Variants in TMPRSS9 observed in about 807,000 individuals in gnomAD.
TMPRSS9 encodes transmembrane serine protease 9.
In TMPRSS9, 113 loss-of-function variants were observed where a neutral mutation model predicts 111.4. The observed-to-expected ratio is 1.01, with a 90% CI of 0.87 to 1.19. The LOEUF (loss-of-function observed/expected upper bound fraction) is 1.19, where lower values mean the gene tolerates loss of function less well. Ranked by LOEUF, TMPRSS9 falls within the 50% of genes most tolerant of loss-of-function variation. The pLI is 0.00. For synonymous variants in TMPRSS9, 805 were observed against 659.1 expected, an observed-to-expected ratio of 1.22 and a Z score of -3.39; for missense variants, 1,803 against 1,513.1, an observed-to-expected ratio of 1.19 and a Z score of -3.18.
chr19:2,416,678 T>C, exon 12 of TMPRSS9: 2 of 1,613,144 alleles, frequency 1.2e-6, no homozygotes, highest in South Asian at 2.2e-5. Flanking sequence ...GACCTGGCTG[T>C]CCTGGAGCTG....
chr19:2,377,269 GTA>G (rs1568169879), intron 1 of TMPRSS9, among the ~76,000 whole-genome samples: 1 of 119,570 alleles, frequency 8.4e-6, no homozygotes, highest in Non-Finnish European at 1.6e-5. Context: ...ATGTATGTAT[GTA>G]TGTATGTATG....
chr19:2,417,045 G>A (rs1209578969), intron 12 of TMPRSS9, among the ~76,000 whole-genome samples: 1 of 152,046 alleles, frequency 6.6e-6, no homozygotes. Context: ...ATTGGAACAG[G>A]GGCCATGTTC....
chr19:2,366,137 A>G (rs1447951498), intron 1 of TMPRSS9, among the ~76,000 whole-genome samples: 1 of 152,156 alleles, frequency 6.6e-6, no homozygotes, highest in African/African-American at 2.4e-5. Context: ...TTGAGCAACT[A>G]GAAAACATTG....
intron 9 of TMPRSS9, among the ~76,000 whole-genome samples, chr19:2,412,548 C>T (rs928746747): frequency 6.6e-6 from 1 of 152,182 alleles, no homozygotes; most frequent in Non-Finnish European, 1.5e-5. Context: ...CTCCTGGTCT[C>T]ATTTATCCTT....
chr19:2,407,932 C>G (rs1971005678), intron 7 of TMPRSS9, among the ~76,000 whole-genome samples: 1 of 151,850 alleles, frequency 6.6e-6, no homozygotes, highest in Non-Finnish European at 1.5e-5. Context: ...TACAGGCGCC[C>G]ATCACTATGC....
At chr19:2,406,283 G>A (rs974966444) in intron 7 of TMPRSS9, among the ~76,000 whole-genome samples, 2 of 151,566 alleles carry the variant, frequency 1.3e-5, no homozygotes, top group Admixed American at 1.3e-4. Context: ...CTCCCAAAGC[G>A]CTGGGATTAC....
At chr19:2,398,765 C>A in intron 2 of TMPRSS9, 30 bp from the exon 4 acceptor site, 4 of 1,386,824 alleles carry the variant, frequency 2.9e-6, no homozygotes, top group Non-Finnish European at 3.8e-6. Flanking sequence ...CTGTGGGTCT[C>A]AACATTTGAT....
At chr19:2,387,445 A>C (rs1970499928), upstream of TMPRSS9, among the ~76,000 whole-genome samples, 1 of 152,080 alleles carries the variant, frequency 6.6e-6, no homozygotes, top group Non-Finnish European at 1.5e-5. Flanking sequence ...CAGTGAGCAG[A>C]GACTGTGCCA....
chr19:2,411,396 TCTTC>T (rs1248214122), intron 9 of TMPRSS9, among the ~76,000 whole-genome samples: 3 of 128,010 alleles, frequency 2.3e-5, no homozygotes, highest in African/African-American at 6.5e-5. Context: ...TTTTTCTTCT[TCTTC>T]TTTTTTTTTT....
At chr19:2,425,694 G>A (rs1971606011) in intron 17 of TMPRSS9, 1 of 1,215,476 alleles carries the variant, frequency 8.2e-7, no homozygotes, top group Non-Finnish European at 1.1e-6. Context: ...CCCATCCCCG[G>A]GCCTCGGCGG....
intron 15 of TMPRSS9, 107 bp downstream of exon 16, chr19:2,424,364 TC>T: frequency 1.7e-6 from 2 of 1,172,978 alleles, no homozygotes; most frequent in African/African-American, 3.4e-5. Flanking sequence ...GGGAGTGCCC[TC>T]CCCAACCCCG....
chr19:2,386,862 C>T (rs373932201), upstream of TMPRSS9, among the ~76,000 whole-genome samples: 1 of 151,344 alleles, frequency 6.6e-6, no homozygotes, highest in African/African-American at 2.4e-5. Flanking sequence ...TGTGATGGCA[C>T]ACGCCTGTGG....
rs536286899 is a variant in TMPRSS9 at position 2,371,442 on chromosome 19, T to C, written c.-26+11082T>C. Among the ~76,000 whole-genome samples the C allele has an allele frequency of 3.9e-4, 60 of 152,052 alleles. No individual in the cohort carries two copies. The South Asian group carries it at 0.012, about 32-fold the overall frequency. On this transcript the variant is annotated intron_variant, in intron 1 of 17. Transcript: ENST00000649857. ...CGGCTCACGCCTGTAATCCCAGCAC[T>C]TTGGGAGGCTGAGGCAGGCGGATTG...
upstream of TMPRSS9, among the ~76,000 whole-genome samples, chr19:2,388,331 A>T (rs1970516673): frequency 6.6e-6 from 1 of 152,072 alleles, no homozygotes; most frequent in African/African-American, 2.4e-5. Context: ...GGCTGCAGTG[A>T]GCTGTGATCA....
chr19:2,389,374 C>CTT (rs1165662530), upstream of TMPRSS9, among the ~76,000 whole-genome samples: 14 of 105,402 alleles, frequency 1.3e-4, no homozygotes, highest in South Asian at 5.9e-4. Flanking sequence ...CGCATCTGGT[C>CTT]TTTTTTTTTT....
chr19:2,421,749 C>A (rs73918165), intron 13 of TMPRSS9, 105 bp from the exon 15 acceptor site: 8 of 1,327,486 alleles, frequency 6.0e-6, no homozygotes, highest in Non-Finnish European at 7.2e-6. Context: ...CTCTGCCCCC[C>A]GCCCTCGATG....
At chr19:2,406,888 C>G (rs1461902127) in intron 7 of TMPRSS9, among the ~76,000 whole-genome samples, 1 of 151,314 alleles carries the variant, frequency 6.6e-6, no homozygotes, top group African/African-American at 2.4e-5. Flanking sequence ...TAAGCTCCAC[C>G]TCCCGGGATC....
At chr19:2,388,353 T>C (rs538065359), upstream of TMPRSS9, among the ~76,000 whole-genome samples, 1 of 151,912 alleles carries the variant, frequency 6.6e-6, no homozygotes, top group African/African-American at 2.4e-5. Context: ...ACCATTGCAC[T>C]CCAGCCTGGG....
chr19:2,364,962 G>C (rs1276220064), intron 1 of TMPRSS9, among the ~76,000 whole-genome samples: 1 of 148,430 alleles, frequency 6.7e-6, no homozygotes, highest in Non-Finnish European at 1.5e-5. Flanking sequence ...CTGGGCGACG[G>C]AGCGAGACTC....
Sources: gnomAD v4.1 joint callset for allele counts (sites outside exome capture counted in the v4.1 genomes callset) on GRCh38, gnomAD v4.1.1 for gene constraint, MANE v1.5 for transcripts, NCBI Gene and HGNC (gene_info 2026-07-23, HGNC 2026-07-21) for gene names.